CTNNA2: variants seen among roughly 807,000 people sequenced by gnomAD.
CTNNA2 encodes catenin alpha 2.
Under a neutral mutation model 101.0 loss-of-function variants are expected in CTNNA2, and 42 were observed. That is an observed-to-expected ratio of 0.42 (90% CI 0.32 to 0.54). The LOEUF (loss-of-function observed/expected upper bound fraction) is 0.54, where lower values mean the gene tolerates loss of function less well. Among genes scored for constraint, CTNNA2 ranks in the 20% least tolerant of loss-of-function variants. CTNNA2 has a pLI of 0.14. For missense variants in CTNNA2, 871 were observed against 1,223.1 expected, an observed-to-expected ratio of 0.71 and a Z score of 4.29; for synonymous variants, 450 against 456.4, an observed-to-expected ratio of 0.99 and a Z score of 0.18.
At chr2:79,729,233 C>T (rs1001924520) in intron 2 of CTNNA2, among the ~76,000 whole-genome samples, 8 of 152,112 alleles carry the variant, frequency 5.3e-5, no homozygotes, top group Non-Finnish European at 5.9e-5. Flanking sequence ...ACCCTTTCCC[C>T]TTGTGGTTGT....
chr2:79,803,895 A>T (rs1169518619), intron 3 of CTNNA2, among the ~76,000 whole-genome samples: 1 of 152,228 alleles, frequency 6.6e-6, no homozygotes, highest in Non-Finnish European at 1.5e-5. Flanking sequence ...TCTTTGTAGG[A>T]ATATTTTATA....
chr2:79,475,099 G>A (rs574584541), intron 4 of CTNNA2, among the ~76,000 whole-genome samples: 1 of 151,978 alleles, frequency 6.6e-6, no homozygotes, highest in Non-Finnish European at 1.5e-5. Context: ...AGACTCTGAG[G>A]AATTCTCCTC....
chr2:80,462,487 A>G (rs1371959774), intron 9 of CTNNA2, among the ~76,000 whole-genome samples: 1 of 152,038 alleles, frequency 6.6e-6, no homozygotes, highest in African/African-American at 2.4e-5. Context: ...AGGCAGCATC[A>G]TTTACTCATT....
At chr2:79,784,857 T>C (rs1033844235) in intron 3 of CTNNA2, among the ~76,000 whole-genome samples, 7 of 152,092 alleles carry the variant, frequency 4.6e-5, no homozygotes, top group South Asian at 2.1e-4. Context: ...CTTTTATCTA[T>C]ATAAAGGAAA....
At chr2:80,143,888 G>C (rs928365390) in intron 7 of CTNNA2, among the ~76,000 whole-genome samples, 1 of 152,116 alleles carries the variant, frequency 6.6e-6, no homozygotes, top group Non-Finnish European at 1.5e-5. Context: ...TGCTTTGATG[G>C]AGAGAATTTA....
intron 7 of CTNNA2, among the ~76,000 whole-genome samples, chr2:79,931,586 G>A (rs1430894415): frequency 6.6e-6 from 1 of 152,140 alleles, no homozygotes; most frequent in Non-Finnish European, 1.5e-5. Context: ...TCAGCATTTA[G>A]AAACTTTTGT....
At chr2:80,018,708 G>A (rs980744725) in intron 7 of CTNNA2, among the ~76,000 whole-genome samples, 1 of 151,218 alleles carries the variant, frequency 6.6e-6, no homozygotes, top group African/African-American at 2.4e-5. Context: ...TTGAACCCGG[G>A]AGACAGAGGT....
chr2:80,011,225 G>T (rs200839249), intron 7 of CTNNA2, among the ~76,000 whole-genome samples: 1 of 152,116 alleles, frequency 6.6e-6, no homozygotes, highest in Non-Finnish European at 1.5e-5. Flanking sequence ...ATTGAGAAAA[G>T]ATTATTTATA....
At chr2:79,587,400 A>G (rs1676565927) in intron 1 of CTNNA2, among the ~76,000 whole-genome samples, 1 of 152,044 alleles carries the variant, frequency 6.6e-6, no homozygotes, top group South Asian at 2.1e-4. Flanking sequence ...AGGCAGATTC[A>G]TGCCCAGCCC....
At chr2:79,387,367 G>C (rs1189308508) in intron 4 of CTNNA2, among the ~76,000 whole-genome samples, 1 of 152,158 alleles carries the variant, frequency 6.6e-6, no homozygotes, top group Non-Finnish European at 1.5e-5. Flanking sequence ...TCTATTTCCA[G>C]ATTAGCTCGT....
rs149872879 is a variant in CTNNA2 at position 79,444,469 on chromosome 2, A to G, written c.-134-60585A>G. Among the ~76,000 whole-genome samples, 740 of 152,240 alleles carry G rather than the reference A, an allele frequency of 4.9e-3. 7 individuals are homozygous for G. The highest frequency in any genetic ancestry group is 0.016 in the African/African-American group (677 of 41,550). ...TGGAGCATAATAGGCAGCAGACACA[A>G]GAAGAGAAGTAACTAGAAAGACTTC... On this transcript the variant is annotated intron_variant, in intron 4 of 21. Coordinates refer to the CTNNA2 transcript ENST00000466387.
chr2:80,400,842 A>G (rs1678483278), intron 8 of CTNNA2, among the ~76,000 whole-genome samples: 1 of 152,124 alleles, frequency 6.6e-6, no homozygotes, highest in Non-Finnish European at 1.5e-5. Context: ...CCACAACCTC[A>G]TAACCAGTAT....
intron 3 of CTNNA2, among the ~76,000 whole-genome samples, chr2:79,804,074 T>A (rs928081345): frequency 6.6e-6 from 1 of 152,244 alleles, no homozygotes; most frequent in Admixed American, 6.5e-5. Context: ...AGAAAGTTGT[T>A]TTTAAAAAGA....
chr2:79,864,027 C>A lies in CTNNA2; in HGVS notation c.466-5789C>A, dbSNP rs117082404. On this transcript the variant is annotated intron_variant, in intron 4 of 18. Transcript: ENST00000402739. ...AGCACACCAGAACCAGGAACCAAAC[C>A]CTTTCCTCTGGCAGCGTCTATGCAA... 1.5e-3 allele frequency among the ~76,000 whole-genome samples: 230 copies of A among 152,282 alleles called. 6 individuals are homozygous for A. In the East Asian group the frequency reaches 0.039, roughly 26 times the overall value.
chr2:80,193,836 A>G (rs915413364), intron 7 of CTNNA2, among the ~76,000 whole-genome samples: 1 of 152,054 alleles, frequency 6.6e-6, no homozygotes, highest in Non-Finnish European at 1.5e-5. Flanking sequence ...TGAAGATGAT[A>G]CTGAAAGTCA....
At chr2:80,575,287 T>C (rs1694940005) in intron 13 of CTNNA2, 1 of 152,192 alleles carries the variant, frequency 6.6e-6, no homozygotes, top group Admixed American at 6.6e-5. Flanking sequence ...GTAAACACAC[T>C]ACAAAAGCAA....
At chr2:80,575,252 C>T (rs935081893) in intron 13 of CTNNA2, 2 of 152,106 alleles carry the variant, frequency 1.3e-5, no homozygotes, top group African/African-American at 4.8e-5. Context: ...GAATGGTATC[C>T]ACACTTGTAA....
In CTNNA2 at chr2:80,130,068, A is replaced by C. The variant is rs1312262881; in HGVS notation, c.1056+220271A>C. 2.0e-5 allele frequency among the ~76,000 whole-genome samples: 3 copies of C among 152,232 alleles called. No homozygotes were observed. The East Asian group carries it at 5.8e-4, about 30-fold the overall frequency. On this transcript the variant is annotated intron_variant, in intron 7 of 18. Coordinates refer to ENST00000402739, the MANE Select transcript of CTNNA2 (RefSeq NM_001282597.3). ...TAACCTGATCAAAAGAAGAAGAGAA[A>C]TTGAGGCAGACCAAAGTGCATTTGC...
intron 1 of CTNNA2, among the ~76,000 whole-genome samples, chr2:79,645,970 A>G (rs528775953): frequency 7.2e-5 from 11 of 152,184 alleles, no homozygotes; most frequent in Non-Finnish European, 1.6e-4. Context: ...GTGGAGTTTG[A>G]TGGCAGTAGT....
Sources: gnomAD v4.1 joint callset for allele counts (sites outside exome capture counted in the v4.1 genomes callset) on GRCh38, gnomAD v4.1.1 for gene constraint, MANE v1.5 for transcripts, NCBI Gene and HGNC (gene_info 2026-07-23, HGNC 2026-07-21) for gene names.